The following DEUP1 variants were observed in gnomAD, a reference collection of about 807,000 sequenced individuals.
The protein encoded by DEUP1 is coiled-coil domain containing 67.
A neutral mutation model predicts 87.4 loss-of-function variants in DEUP1; 82 were observed. The ratio of observed to expected loss-of-function variants is 0.94; its 90% confidence interval spans 0.78 to 1.13. DEUP1 has a LOEUF of 1.13. Ranked by LOEUF, DEUP1 falls within the 50% of genes most tolerant of loss-of-function variation. The pLI, the probability that DEUP1 is intolerant of heterozygous loss-of-function variation, is 0.00. For missense variants in DEUP1, 663 were observed against 681.5 expected (o/e 0.97, Z 0.30); for synonymous variants, 214 against 222.7 (o/e 0.96, Z 0.35).
In DEUP1 at chr11:93,375,939, A is replaced by T. The variant is rs796456185; in HGVS notation, c.789+4659A>T. Reference sequence around the variant, plus strand: ...CTGGACTTTTTTGTTGGCAATTTTCATATTACTGTTTTGTTTTGTTTTGTT... The same window carrying T: ...CTGGACTTTTTTGTTGGCAATTTTCTTATTACTGTTTTGTTTTGTTTTGTT... On this transcript the variant is annotated intron_variant, in intron 7 of 13. Coordinates refer to ENST00000298050, the MANE Select transcript of DEUP1 (RefSeq NM_181645.4). Among the ~76,000 whole-genome samples, 27 of 151,958 alleles carry T rather than the reference A, an allele frequency of 1.8e-4. 1 individual carries two copies. The highest frequency in any genetic ancestry group is 6.5e-4 in the African/African-American group (27 of 41,468).
intron 4 of DEUP1, among the ~76,000 whole-genome samples, chr11:93,363,038 T>C (rs1372292100): frequency 6.6e-6 from 1 of 151,990 alleles, no homozygotes; most frequent in South Asian, 2.1e-4. Flanking sequence ...AACAAACTGA[T>C]ACATTTATAC....
At position 93,380,033 on chromosome 11, in the gene DEUP1, C is replaced by T. The variant is rs149116021; in HGVS notation, c.790-5365C>T. Among the ~76,000 whole-genome samples, 804 of 152,186 alleles carry T rather than the reference C, an allele frequency of 5.3e-3. 3 individuals are homozygous for T. The highest frequency in any genetic ancestry group is 0.018 in the African/African-American group (749 of 41,528). ...TATACTGCAGTGATTTTTCCTTCCA[C>T]GTGATATTTGGCAATGCCTGGATAC... On this transcript the variant is annotated intron_variant, in intron 7 of 13. Coordinates refer to ENST00000298050, the MANE Select transcript of DEUP1 (RefSeq NM_181645.4).
At position 93,437,966 on chromosome 11, in the gene DEUP1, G is replaced by T; in HGVS notation, c.*247G>T. 1.1e-5 allele frequency: 3 copies of T among 270,358 alleles called. No homozygotes were observed. Among genetic ancestry groups the T allele is most frequent in the Non-Finnish European group, 1.4e-5 (2 of 144,076 alleles). 16.7% of individuals were successfully genotyped at this position (270,358 alleles called of 1,614,324 possible). A position where few individuals can be genotyped will look rare whatever the true frequency, so the allele number is the denominator to read the frequency against. Reference sequence around the variant, plus strand: ...TAAAATAAACATGACTATTCCAAAAGAGATTTTTTTCCAGTCTAAGGAATA... The same window carrying T: ...TAAAATAAACATGACTATTCCAAAATAGATTTTTTTCCAGTCTAAGGAATA... On this transcript the variant is annotated 3_prime_UTR_variant, in exon 14 of 14. Coordinates refer to ENST00000298050, the MANE Select transcript of DEUP1 (RefSeq NM_181645.4).
chr11:93,400,510 A>G (rs775876844), intron 11 of DEUP1, among the ~76,000 whole-genome samples: 2 of 152,110 alleles, frequency 1.3e-5, no homozygotes, highest in Non-Finnish European at 2.9e-5. Context: ...ATAGGATGCT[A>G]GTCCTACTGG....
At chr11:93,346,310 G>A (rs187392941) in intron 2 of DEUP1, among the ~76,000 whole-genome samples, 52 of 152,176 alleles carry the variant, frequency 3.4e-4, no homozygotes, top group East Asian at 2.1e-3. Context: ...TGCAACCTCC[G>A]CCTTCCAGGC....
chr11:93,386,005 A>G (rs534106627), intron 8 of DEUP1, among the ~76,000 whole-genome samples: 65 of 152,162 alleles, frequency 4.3e-4, no homozygotes, highest in Non-Finnish European at 7.4e-4. Context: ...GTGAGCTGTG[A>G]TCGTGCCACT....
At chr11:93,336,770 T>G (rs1943787174) in intron 2 of DEUP1, among the ~76,000 whole-genome samples, 1 of 152,150 alleles carries the variant, frequency 6.6e-6, no homozygotes, top group African/African-American at 2.4e-5. Flanking sequence ...TCTTAGCCAT[T>G]CCTCCTGTTT....
chr11:93,332,350 G>A, intron 2 of DEUP1, 62 bp downstream of exon 2: 4 of 1,368,438 alleles, frequency 2.9e-6, no homozygotes, highest in Non-Finnish European at 4.1e-6. Context: ...AACTTCCTGA[G>A]AACACATGAA....
chr11:93,397,892 G>GA (rs1327339525), intron 11 of DEUP1, among the ~76,000 whole-genome samples: 4 of 151,750 alleles, frequency 2.6e-5, no homozygotes, highest in Non-Finnish European at 2.9e-5. Flanking sequence ...TAATTTCTTA[G>GA]AAAAAATATA....
At chr11:93,398,075 GTAT>G (rs1946995618) in intron 11 of DEUP1, among the ~76,000 whole-genome samples, 1 of 151,848 alleles carries the variant, frequency 6.6e-6, no homozygotes, top group Admixed American at 6.6e-5. Context: ...TACTTGGTAT[GTAT>G]TATTTTAAAC....
chr11:93,367,580 G>T (rs1397021393), intron 5 of DEUP1, among the ~76,000 whole-genome samples: 1 of 152,058 alleles, frequency 6.6e-6, no homozygotes, highest in Non-Finnish European at 1.5e-5. Flanking sequence ...TGTGTGTATA[G>T]TTCCCTACTT....
intron 8 of DEUP1, among the ~76,000 whole-genome samples, chr11:93,387,446 A>AC (rs1555052446): frequency 6.6e-6 from 1 of 150,642 alleles, no homozygotes; most frequent in Non-Finnish European, 1.5e-5. Context: ...AGCTTTTTCT[A>AC]TTTTTTTTTA....
intron 2 of DEUP1, among the ~76,000 whole-genome samples, chr11:93,347,399 G>A (rs916724387): frequency 1.8e-4 from 28 of 152,128 alleles, no homozygotes; most frequent in African/African-American, 5.8e-4. Flanking sequence ...TTTTTGATGC[G>A]CTGCTGGATT....
chr11:93,336,994 T>C (rs527654214), intron 2 of DEUP1, among the ~76,000 whole-genome samples: 1 of 152,350 alleles, frequency 6.6e-6, no homozygotes, highest in East Asian at 1.9e-4. Context: ...CTGAATCTTT[T>C]ACTGTACCTT....
chr11:93,391,688 A>G (rs1946769365), intron 9 of DEUP1, among the ~76,000 whole-genome samples: 2 of 146,624 alleles, frequency 1.4e-5, no homozygotes, highest in African/African-American at 5.2e-5. Context: ...AGCCTGGGTG[A>G]CAAAGCAAGA....
chr11:93,404,373 A>G (rs977805711), intron 11 of DEUP1, among the ~76,000 whole-genome samples: 1 of 152,080 alleles, frequency 6.6e-6, no homozygotes, highest in African/African-American at 2.4e-5. Context: ...GTTGTAATAA[A>G]ATCAGATTTA....
rs1555068637 is a variant in DEUP1 at position 93,437,748 on chromosome 11, C to CG, written c.*29_*30insG. On this transcript the variant is annotated 3_prime_UTR_variant, in exon 14 of 14. Transcript: ENST00000298050. ...TTTAAACTTTTTTATTTGCTTCCCC[C>CG]CCCCACCCCCGCCAAGAAAAAAAGC... 1.1e-5 allele frequency: 12 copies of CG among 1,065,116 alleles called. No homozygotes were observed. The highest frequency in any genetic ancestry group is 3.3e-4 in the Middle Eastern group (1 of 3,050). 66.0% of individuals were successfully genotyped at this position (1,065,116 alleles called of 1,614,324 possible).
chr11:93,335,644 G>T (rs540383879), intron 2 of DEUP1, among the ~76,000 whole-genome samples: 2 of 152,260 alleles, frequency 1.3e-5, no homozygotes, highest in African/African-American at 4.8e-5. Context: ...ATAAAATATA[G>T]CACAAGTATA....
chr11:93,350,106 GC>G (rs1944556849), intron 2 of DEUP1, among the ~76,000 whole-genome samples: 1 of 152,218 alleles, frequency 6.6e-6, no homozygotes, highest in African/African-American at 2.4e-5. Flanking sequence ...CAGTGATCAA[GC>G]CCTGACCATT....
Sources: gnomAD v4.1 joint callset for allele counts (sites outside exome capture counted in the v4.1 genomes callset) on GRCh38, gnomAD v4.1.1 for gene constraint, MANE v1.5 for transcripts, NCBI Gene and HGNC (gene_info 2026-07-23, HGNC 2026-07-21) for gene names.